USP47: variants seen among roughly 807,000 people sequenced by gnomAD.
USP47 encodes the protein ubiquitin specific peptidase 47.
In USP47, 35 loss-of-function variants were observed where a neutral mutation model predicts 165.1. The ratio of observed to expected loss-of-function variants is 0.21; its 90% CI spans 0.16 to 0.28. The LOEUF (loss-of-function observed/expected upper bound fraction) is 0.28. Ranked by LOEUF, USP47 falls within the 10% of genes least tolerant of loss-of-function variation. The probability of loss-of-function intolerance (pLI) is 1.00; values close to 1 mark genes in which losing one functional copy is unlikely to be tolerated. For missense variants in USP47, 1,277 were observed against 1,607.4 expected (o/e 0.79, Z 3.52); for synonymous variants, 531 against 544.5 (o/e 0.98, Z 0.35).
intron 11 of USP47, among the ~76,000 whole-genome samples, chr11:11,928,809 C>A (rs1323900605): frequency 6.6e-6 from 1 of 151,896 alleles, no homozygotes; most frequent in Non-Finnish European, 1.5e-5. Context: ...TCTTGATTTT[C>A]TTCCACAAAT....
chr11:11,925,204 T>C (rs567917257), intron 11 of USP47, among the ~76,000 whole-genome samples: 1 of 151,894 alleles, frequency 6.6e-6, no homozygotes, highest in Non-Finnish European at 1.5e-5. Context: ...ACCTCCCAAG[T>C]TCACGCCATT....
Position 11,920,413 on chromosome 11 carries a change from C to T in USP47, c.1137C>T (p.Thr379=). ...AAAGATTCGATTTTGATTATACAACCATGCATAGGATTAAACTGAATGATC... is the reference window on the plus strand; with the variant it reads ...AAAGATTCGATTTTGATTATACAACTATGCATAGGATTAAACTGAATGATC... ...QLKRFDFDYT[T]MHRIKLNDRM... The change falls in exon 10 of 28, where the codon ACC becomes ACT. Residue 379 remains threonine (T), a synonymous_variant. Coordinates refer to ENST00000527733, the MANE Select transcript of USP47 (RefSeq NM_001282659.2). 6.2e-7 allele frequency: 1 copy of T among 1,611,480 alleles called. No individual in the cohort carries two copies.
At chr11:11,932,926 G>T in intron 14 of USP47, 78 bp from the exon 15 acceptor site, 1 of 1,030,868 alleles carries the variant, frequency 9.7e-7, no homozygotes, top group South Asian at 1.4e-5. Flanking sequence ...TATATACCAT[G>T]AGAGCATAGT....
intron 1 of USP47, among the ~76,000 whole-genome samples, chr11:11,872,135 G>A (rs1194134459): frequency 6.6e-6 from 1 of 152,190 alleles, no homozygotes; most frequent in Non-Finnish European, 1.5e-5. Flanking sequence ...GCAGCAGAAA[G>A]GCTAGGGGCT....
At chr11:11,873,729 C>T in intron 1 of USP47, 1 of 883,700 alleles carries the variant, frequency 1.1e-6, no homozygotes, top group South Asian at 3.2e-5. Flanking sequence ...GTTAATTGTT[C>T]TCATTTCACT....
chr11:11,880,836 A>T (rs904323711), intron 2 of USP47, among the ~76,000 whole-genome samples: 3 of 151,942 alleles, frequency 2.0e-5, no homozygotes, highest in African/African-American at 4.8e-5. Flanking sequence ...CTAGCTGACT[A>T]TTTCTTTTTA....
chr11:11,865,508 C>G (rs940237948), intron 1 of USP47, among the ~76,000 whole-genome samples: 1 of 151,798 alleles, frequency 6.6e-6, no homozygotes, highest in South Asian at 2.1e-4. Context: ...TTTTTTCAGG[C>G]GTTTAGTAAT....
intron 5 of USP47, among the ~76,000 whole-genome samples, chr11:11,901,131 C>T (rs926518892): frequency 6.6e-6 from 1 of 152,014 alleles, no homozygotes; most frequent in Non-Finnish European, 1.5e-5. Flanking sequence ...TTCTGTGAGG[C>T]GGAAGGGAGT....
Position 11,842,051 on chromosome 11 carries a change from G to A in USP47, c.-135G>A. The A allele has an allele frequency of 2.6e-6, 3 of 1,142,936 alleles. No homozygotes were observed. The highest frequency in any genetic ancestry group is 3.7e-6 in the Non-Finnish European group (3 of 807,492). 70.8% of individuals were successfully genotyped at this position (1,142,936 alleles called of 1,614,324 possible). A position where few individuals can be genotyped will look rare whatever the true frequency, so the allele number is the denominator to read the frequency against. On this transcript the variant is annotated 5_prime_UTR_variant, in exon 1 of 28. Transcript: ENST00000527733. Reference sequence around the variant, plus strand: ...CTGCGCGCTGGTGTCTGAGGCCCAGGCTGAGGCCTCCGCTATTGCTGGAGC... The same window carrying A: ...CTGCGCGCTGGTGTCTGAGGCCCAGACTGAGGCCTCCGCTATTGCTGGAGC...
At chr11:11,939,315 A>G (rs754040818) in intron 18 of USP47, among the ~76,000 whole-genome samples, 4 of 151,970 alleles carry the variant, frequency 2.6e-5, no homozygotes, top group Non-Finnish European at 5.9e-5. Context: ...GTTTTCAGTC[A>G]TTCATCTTAT....
Position 11,892,151 on chromosome 11 carries a change from A to G in USP47, c.496+45A>G, listed in dbSNP as rs1358247890. ...CATAAAATCATAGGGCATTAGATCCAAAGTAATCTTAGCGATTTGAAGCCT... is the reference window on the plus strand; with the variant it reads ...CATAAAATCATAGGGCATTAGATCCGAAGTAATCTTAGCGATTTGAAGCCT... On this transcript the variant is annotated intron_variant, in intron 4 of 27. Coordinates refer to ENST00000527733, the MANE Select transcript of USP47 (RefSeq NM_001282659.2). The G allele has an allele frequency of 1.9e-6, 3 of 1,573,364 alleles. No individual in the cohort carries two copies. In the African/African-American group the frequency reaches 4.1e-5, roughly 22 times the overall value.
At chr11:11,878,790 C>A (rs1164424501) in intron 1 of USP47, 1 of 152,052 alleles carries the variant, frequency 6.6e-6, no homozygotes, top group Non-Finnish European at 1.5e-5. Flanking sequence ...CTCTTGCAAA[C>A]CCAAAATTGT....
intron 3 of USP47, among the ~76,000 whole-genome samples, chr11:11,886,649 A>T (rs983564747): frequency 1.3e-5 from 2 of 152,182 alleles, no homozygotes; most frequent in Admixed American, 6.5e-5. Context: ...GGAAGAATGG[A>T]ACCAAGTTGG....
chr11:11,954,182 G>T (rs1204275456), intron 25 of USP47, among the ~76,000 whole-genome samples: 1 of 152,124 alleles, frequency 6.6e-6, no homozygotes, highest in East Asian at 1.9e-4. Context: ...CCCAGGAGGT[G>T]GAGGTTGCAG....
At position 11,880,177 on chromosome 11, in the gene USP47, A is replaced by T. The variant is rs1177524892; in HGVS notation, c.40A>T (p.Ile14Leu). 6.8e-7 allele frequency: 1 copy of T among 1,470,842 alleles called. No individual in the cohort carries two copies. Among genetic ancestry groups the T allele is most frequent in the Non-Finnish European group, 8.9e-7 (1 of 1,121,104 alleles). The allele number at this position is 1,470,842 out of a possible 1,614,324, so 91.1% of individuals were successfully genotyped here. ...GEENQLVPKEIENAAEEPRVL... is the reference protein window; with the variant it reads ...GEENQLVPKELENAAEEPRVL... ...AGTCATATTTTTCTTAAAATTTCAG[A>T]TAGAAAATGCTGCTGAAGAACCTAG... Residue 14 changes from isoleucine (I) to leucine (L), a missense_variant and splice_region_variant, in exon 2 of 28, where the codon ATA becomes TTA. Coordinates refer to ENST00000527733, the MANE Select transcript of USP47 (RefSeq NM_001282659.2).
intron 18 of USP47, 46 bp downstream of exon 18, chr11:11,938,418 ATGTACAAGACACACTATG>A (rs773310225): frequency 2.8e-6 from 4 of 1,406,118 alleles, no homozygotes; most frequent in Non-Finnish European, 4.0e-6. Flanking sequence ...AGAGCCTGCT[ATGTACAAGACACACTATG>A]TGACAGTTAT....
chr11:11,925,146 C>T (rs1372294968), intron 11 of USP47, among the ~76,000 whole-genome samples: 5 of 149,612 alleles, frequency 3.3e-5, no homozygotes, highest in African/African-American at 7.4e-5. Context: ...CTCGCTCTGT[C>T]GCCCAGGCTC....
chr11:11,943,257 G>T, intron 20 of USP47, 145 bp downstream of exon 20: 1 of 893,484 alleles, frequency 1.1e-6, no homozygotes. Flanking sequence ...CAGTTGTAAT[G>T]AACACTGTTC....
chr11:11,929,639 A>C (rs943533104), intron 12 of USP47, 74 bp downstream of exon 12: 2 of 1,554,396 alleles, frequency 1.3e-6, no homozygotes, highest in African/African-American at 2.7e-5. Flanking sequence ...AGTAAAGTTT[A>C]TTAAGAATGA....
Sources: allele counts gnomAD v4.1 joint callset (sites outside exome capture counted in the v4.1 genomes callset), GRCh38; gene constraint gnomAD v4.1.1; transcripts MANE v1.5; gene names NCBI Gene and HGNC (gene_info 2026-07-23, HGNC 2026-07-21).